TMEM156: variants seen among roughly 807,000 people sequenced by gnomAD.
TMEM156 encodes transmembrane protein 156.
In TMEM156, 28 loss-of-function variants were observed where a neutral mutation model predicts 30.5. The observed-to-expected ratio is 0.92, with a 90% CI of 0.68 to 1.26. The LOEUF (loss-of-function observed/expected upper bound fraction) is 1.26. Ranked by LOEUF, TMEM156 falls within the 50% of genes most tolerant of loss-of-function variation. TMEM156 has a pLI of 0.00. For synonymous variants in TMEM156, 137 were observed against 119.9 expected (o/e 1.14, Z -0.93); for missense variants, 351 against 340.6 (o/e 1.03, Z -0.24).
intron 1 of TMEM156, among the ~76,000 whole-genome samples, chr4:39,001,663 T>C (rs1713373750): frequency 6.6e-6 from 1 of 150,626 alleles, no homozygotes; most frequent in African/African-American, 2.4e-5. Flanking sequence ...CAAAACAGCA[T>C]GGTACTGGTA....
intron 2 of TMEM156, among the ~76,000 whole-genome samples, chr4:38,995,454 C>T (rs1291305389): frequency 3.9e-5 from 6 of 152,184 alleles, no homozygotes; most frequent in African/African-American, 7.2e-5. Context: ...CAGTGGCTCA[C>T]GCCTGTAATC....
intron 6 of TMEM156, among the ~76,000 whole-genome samples, chr4:38,970,680 T>A (rs189557304): frequency 3.4e-4 from 52 of 152,330 alleles, no homozygotes; most frequent in African/African-American, 1.2e-3. Flanking sequence ...TTTCAATAAT[T>A]GTGGAGGAGG....
chr4:38,979,107 C>A (rs2109884276), intron 5 of TMEM156, among the ~76,000 whole-genome samples: 1 of 152,320 alleles, frequency 6.6e-6, no homozygotes, highest in East Asian at 1.9e-4. Context: ...ATGCACTGGC[C>A]TTGAGGTTTT....
At chr4:39,008,149 T>A (rs1439067937) in intron 1 of TMEM156, among the ~76,000 whole-genome samples, 1 of 152,180 alleles carries the variant, frequency 6.6e-6, no homozygotes, top group Non-Finnish European at 1.5e-5. Flanking sequence ...GTCAAGGACG[T>A]TCAGTACCAT....
At chr4:39,017,085 C>G in intron 1 of TMEM156, among the ~76,000 whole-genome samples, 1 of 151,936 alleles carries the variant, frequency 6.6e-6, no homozygotes, top group East Asian at 1.9e-4. Context: ...TCCACCTGGT[C>G]CCACCCTTGA....
chr4:39,011,668 GGAGGCT>G (rs1034445015), intron 1 of TMEM156, among the ~76,000 whole-genome samples: 1 of 152,116 alleles, frequency 6.6e-6, no homozygotes, highest in African/African-American at 2.4e-5. Flanking sequence ...CAGCTACCCG[GGAGGCT>G]GAGGCAGAGA....
intron 3 of TMEM156, among the ~76,000 whole-genome samples, chr4:38,992,195 C>T (rs1712514680): frequency 6.6e-6 from 1 of 152,122 alleles, no homozygotes; most frequent in South Asian, 2.1e-4. Flanking sequence ...AAAAGGACAG[C>T]AAATTACTCT....
chr4:39,023,751 G>A (rs1715020146), intron 1 of TMEM156, among the ~76,000 whole-genome samples: 1 of 152,204 alleles, frequency 6.6e-6, no homozygotes, highest in Non-Finnish European at 1.5e-5. Flanking sequence ...CTACGCAGGA[G>A]GCTGAGGCAG....
chr4:38,980,116 C>G (rs950719386), intron 5 of TMEM156, among the ~76,000 whole-genome samples: 2 of 150,854 alleles, frequency 1.3e-5, no homozygotes, highest in African/African-American at 4.9e-5. Context: ...GTCATCTGCT[C>G]CAAATCTAGT....
intron 2 of TMEM156, among the ~76,000 whole-genome samples, chr4:38,996,733 C>T (rs1372708009): frequency 6.6e-6 from 1 of 152,210 alleles, no homozygotes; most frequent in Non-Finnish European, 1.5e-5. Context: ...TATGATCCAG[C>T]AATTCTACCT....
At chr4:38,984,898 G>C (rs1711866074) in intron 5 of TMEM156, among the ~76,000 whole-genome samples, 1 of 152,126 alleles carries the variant, frequency 6.6e-6, no homozygotes, top group Non-Finnish European at 1.5e-5. Flanking sequence ...GGTTTCTTTG[G>C]TGGATGAAAG....
chr4:38,989,042 G>A (rs551081879), intron 3 of TMEM156, 72 bp from the exon 4 acceptor site: 3 of 1,488,288 alleles, frequency 2.0e-6, no homozygotes, highest in Admixed American at 3.6e-5. Context: ...TGGCAGTGTA[G>A]CTGAGTTCTA....
chr4:38,969,493 C>T (rs1431458789), intron 6 of TMEM156, among the ~76,000 whole-genome samples: 2 of 152,228 alleles, frequency 1.3e-5, no homozygotes, highest in Non-Finnish European at 2.9e-5. Context: ...GCACTTAGGT[C>T]CATTCCATAT....
chr4:38,998,981 G>A (rs940628345), intron 1 of TMEM156, 72 bp from the exon 2 acceptor site: 20 of 1,366,660 alleles, frequency 1.5e-5, no homozygotes, highest in Admixed American at 2.4e-5. Context: ...TAAATACACA[G>A]TATGCTCCCA....
chr4:38,968,549 A>G (rs1722450906), intron 6 of TMEM156, among the ~76,000 whole-genome samples: 1 of 152,214 alleles, frequency 6.6e-6, no homozygotes, highest in African/African-American at 2.4e-5. Flanking sequence ...TTGGTGAATG[A>G]ACAAAGAAAG....
intron 5 of TMEM156, among the ~76,000 whole-genome samples, chr4:38,972,335 C>T (rs1160854029): frequency 1.4e-5 from 2 of 147,560 alleles, no homozygotes; most frequent in African/African-American, 5.0e-5. Context: ...CTCACTGCAA[C>T]CTCCGCCTCC....
chr4:39,026,740 A>C (rs1263322566), intron 1 of TMEM156, among the ~76,000 whole-genome samples: 5 of 152,088 alleles, frequency 3.3e-5, no homozygotes, highest in Non-Finnish European at 7.4e-5. Flanking sequence ...CAGCCTGGCC[A>C]ACATAGCAAA....
At chr4:39,030,670 G>A (rs1715457069) in intron 1 of TMEM156, among the ~76,000 whole-genome samples, 1 of 152,134 alleles carries the variant, frequency 6.6e-6, no homozygotes, top group South Asian at 2.1e-4. Context: ...TCATTTTTGG[G>A]ATGATTACCT....
intron 1 of TMEM156, among the ~76,000 whole-genome samples, chr4:39,018,880 G>A (rs1714675379): frequency 6.6e-6 from 1 of 152,046 alleles, no homozygotes; most frequent in Non-Finnish European, 1.5e-5. Flanking sequence ...AATTAGCTGG[G>A]TGTGGTGGTG....
Sources: gnomAD v4.1 joint callset for allele counts (sites outside exome capture counted in the v4.1 genomes callset) on GRCh38, gnomAD v4.1.1 for gene constraint, MANE v1.5 for transcripts, NCBI Gene and HGNC (gene_info 2026-07-23, HGNC 2026-07-21) for gene names.